AGAP4: variants seen among roughly 807,000 people sequenced by gnomAD.
AGAP4 encodes the protein ArfGAP with GTPase domain, ankyrin repeat and PH domain 4.
Under a neutral mutation model 60.7 loss-of-function variants are expected in AGAP4, and 13 were observed. That is an observed-to-expected ratio of 0.21 (90% CI 0.14 to 0.34). The LOEUF (loss-of-function observed/expected upper bound fraction) is 0.34. Ranked by LOEUF, AGAP4 falls within the 10% of genes least tolerant of loss-of-function variation. The probability of loss-of-function intolerance (pLI) is 1.00; values close to 1 mark genes in which losing one functional copy is unlikely to be tolerated. For synonymous variants in AGAP4, 70 were observed against 339.0 expected, an observed-to-expected ratio of 0.21 and a Z score of 8.72; for missense variants, 169 against 884.0, an observed-to-expected ratio of 0.19 and a Z score of 10.26.
At position 45,831,402 on chromosome 10, in the gene AGAP4, G is replaced by A; in HGVS notation, c.525C>T (p.Ile175=). Residue 175 remains isoleucine (I), a synonymous_variant, in exon 6 of 8, where the codon ATC becomes ATT. Coordinates refer to ENST00000616763, the MANE Select transcript of AGAP4 (RefSeq NM_001276343.3). ...GTTTCTAAAAAGCTCACCTTTGTGT[G>A]ATATGATGAGGTATCTCCAAGGTCA... is the stretch of plus-strand genomic sequence containing the variant. ...ISVTLEIPHH[I]TQRDADRSLS... 6 of 1,586,296 alleles carry A rather than the reference G, an allele frequency of 3.8e-6. No homozygotes were observed. The highest frequency in any genetic ancestry group is 5.1e-6 in the Non-Finnish European group (6 of 1,171,206).
At chr10:45,844,723 T>A (rs1345770919) in intron 2 of AGAP4, among the ~76,000 whole-genome samples, 15 of 146,644 alleles carry the variant, frequency 1.0e-4, no homozygotes, top group African/African-American at 2.0e-4. Flanking sequence ...AAAATCAACT[T>A]TGCATAAAAT....
chr10:45,850,230 GAAC>G (rs1186103263), upstream of AGAP4, among the ~76,000 whole-genome samples: 1 of 148,780 alleles, frequency 6.7e-6, no homozygotes, highest in African/African-American at 2.5e-5. Flanking sequence ...CTCCCGAACA[GAAC>G]AACATTTTTT....
intron 4 of AGAP4, among the ~76,000 whole-genome samples, chr10:45,836,222 T>C (rs1162576215): frequency 5.3e-5 from 8 of 151,062 alleles, no homozygotes; most frequent in African/African-American, 1.7e-4. Context: ...TATTCCCAAG[T>C]ATTTTATTTT....
intron 6 of AGAP4, among the ~76,000 whole-genome samples, chr10:45,830,241 C>A (rs1350827397): frequency 6.9e-6 from 1 of 145,808 alleles, no homozygotes; most frequent in African/African-American, 2.5e-5. Flanking sequence ...GGCGAGATCT[C>A]GGCTCACTGC....
At chr10:45,853,925 G>GT (rs1387599170), upstream of AGAP4, 1 of 1,180,068 alleles carries the variant, frequency 8.5e-7, no homozygotes, top group Non-Finnish European at 1.1e-6. Flanking sequence ...TTGTTATCAC[G>GT]TAAGTTCATT....
intron 4 of AGAP4, among the ~76,000 whole-genome samples, chr10:45,837,938 A>T (rs1462169492): frequency 6.7e-6 from 1 of 150,106 alleles, no homozygotes; most frequent in Non-Finnish European, 1.5e-5. Context: ...GAGTGGGAGG[A>T]AATCTTCACA....
upstream of AGAP4, among the ~76,000 whole-genome samples, chr10:45,849,589 A>G (rs2059057376): frequency 6.6e-6 from 1 of 150,994 alleles, no homozygotes; most frequent in African/African-American, 2.4e-5. Context: ...TAGAAATACA[A>G]TTGATAAATG....
At chr10:45,837,630 A>C (rs1240194213) in intron 4 of AGAP4, among the ~76,000 whole-genome samples, 1 of 151,908 alleles carries the variant, frequency 6.6e-6, no homozygotes, top group Non-Finnish European at 1.5e-5. Flanking sequence ...GGTAAACCCT[A>C]TTCAACAAAT....
At chr10:45,841,894 T>G (rs1474298518) in intron 3 of AGAP4, among the ~76,000 whole-genome samples, 3 of 151,970 alleles carry the variant, frequency 2.0e-5, no homozygotes, top group Admixed American at 1.3e-4. Context: ...TTAGTTTACT[T>G]TTTGTTTCTA....
upstream of AGAP4, among the ~76,000 whole-genome samples, chr10:45,849,409 A>T (rs1488293029): frequency 6.6e-6 from 1 of 151,722 alleles, no homozygotes; most frequent in Non-Finnish European, 1.5e-5. Flanking sequence ...GCAAAACCAT[A>T]TCAGAAAGTA....
intron 5 of AGAP4, among the ~76,000 whole-genome samples, chr10:45,832,068 C>A (rs2058741081): frequency 7.6e-6 from 1 of 131,266 alleles, no homozygotes; most frequent in Non-Finnish European, 1.7e-5. Flanking sequence ...TGCCACCACA[C>A]CCAGCTAATT....
At chr10:45,849,338 T>A (rs2059051305), upstream of AGAP4, among the ~76,000 whole-genome samples, 5 of 151,732 alleles carry the variant, frequency 3.3e-5, no homozygotes, top group Admixed American at 3.3e-4. Flanking sequence ...CCTAGGCCCC[T>A]CCCTCGACAC....
chr10:45,835,800 T>TA (rs2058807243), intron 4 of AGAP4, among the ~76,000 whole-genome samples: 1 of 123,078 alleles, frequency 8.1e-6, no homozygotes, highest in Non-Finnish European at 1.7e-5. Context: ...CTTCGACAAG[T>TA]GTTTGACAAT....
chr10:45,834,622 C>G (rs1193636269), intron 4 of AGAP4, among the ~76,000 whole-genome samples: 8 of 83,630 alleles, frequency 9.6e-5, no homozygotes, highest in Non-Finnish European at 1.5e-4. Context: ...TTGCAGTGAG[C>G]CGAGTTCGCG....
At chr10:45,853,868 T>C in exon 1 of AGAP4, 1 of 1,242,272 alleles carries the variant, frequency 8.0e-7, no homozygotes, top group Non-Finnish European at 1.0e-6. Context: ...CACCTTTCAC[T>C]TCCTATCAGT....
At chr10:45,838,128 A>G (rs4123161) in intron 4 of AGAP4, among the ~76,000 whole-genome samples, 3,780 of 133,222 alleles carry the variant, frequency 0.028, 63 homozygotes, top group African/African-American at 0.086. Context: ...AATAAGGAAT[A>G]AATTCATGGC....
At chr10:45,840,206 C>G (rs1176053323) in intron 4 of AGAP4, among the ~76,000 whole-genome samples, 1 of 147,276 alleles carries the variant, frequency 6.8e-6, no homozygotes, top group African/African-American at 2.5e-5. Flanking sequence ...ATATCACACA[C>G]TGGCAATAGA....
At chr10:45,848,288 G>GT (rs2059032742), upstream of AGAP4, among the ~76,000 whole-genome samples, 2 of 138,336 alleles carry the variant, frequency 1.4e-5, no homozygotes, top group Non-Finnish European at 3.1e-5. Context: ...AACCTAACTT[G>GT]CCCCTCCAAG....
chr10:45,839,290 C>A (rs1261710529), intron 4 of AGAP4, among the ~76,000 whole-genome samples: 34 of 114,510 alleles, frequency 3.0e-4, no homozygotes, highest in African/African-American at 3.5e-4. Flanking sequence ...AGGTTGTGAA[C>A]TTACAGGCAA....
Sources: gnomAD v4.1 joint callset for allele counts (sites outside exome capture counted in the v4.1 genomes callset) on GRCh38, gnomAD v4.1.1 for gene constraint, MANE v1.5 for transcripts, NCBI Gene and HGNC (gene_info 2026-07-23, HGNC 2026-07-21) for gene names.